CSMD1: variants seen among roughly 807,000 people sequenced by gnomAD.
The protein encoded by CSMD1 is CUB and Sushi multiple domains 1, also known as CUB and sushi domain-containing protein 1.
In CSMD1, 213 loss-of-function variants were observed where a neutral mutation model predicts 417.5. The ratio of observed to expected loss-of-function variants is 0.51; its 90% CI spans 0.46 to 0.57. CSMD1 has a LOEUF of 0.57. CSMD1 is among the 20% of genes least tolerant of loss of function. The probability of loss-of-function intolerance (pLI) is 0.00; values close to 1 mark genes in which losing one functional copy is unlikely to be tolerated. For synonymous variants in CSMD1, 2,862 were observed against 1,736.8 expected, an observed-to-expected ratio of 1.65 and a Z score of -16.11; for missense variants, 6,923 against 4,529.7, an observed-to-expected ratio of 1.53 and a Z score of -15.17.
At chr8:4,867,003 ACTC>A (rs1802457014) in intron 1 of CSMD1, among the ~76,000 whole-genome samples, 1 of 151,936 alleles carries the variant, frequency 6.6e-6, no homozygotes, top group Non-Finnish European at 1.5e-5. Flanking sequence ...GCATATTACT[ACTC>A]AATTCTCGGC....
chr8:3,516,988 G>A (rs1347007666), intron 10 of CSMD1, among the ~76,000 whole-genome samples: 3 of 152,172 alleles, frequency 2.0e-5, no homozygotes, highest in African/African-American at 7.2e-5. Context: ...TGAAAACACA[G>A]AAAACAGGGC....
intron 3 of CSMD1, among the ~76,000 whole-genome samples, chr8:4,365,376 CTG>C (rs1802003413): frequency 6.6e-6 from 1 of 152,018 alleles, no homozygotes; most frequent in African/African-American, 2.4e-5. Flanking sequence ...TTTCACATTT[CTG>C]TATTTTAGGT....
chr8:3,777,278 C>T (rs1322172447), intron 5 of CSMD1, among the ~76,000 whole-genome samples: 2 of 151,990 alleles, frequency 1.3e-5, no homozygotes, highest in Admixed American at 1.3e-4. Context: ...CTGCTTGGTG[C>T]ACAGTCCACA....
intron 5 of CSMD1, among the ~76,000 whole-genome samples, chr8:3,974,473 T>C (rs1044864222): frequency 6.6e-6 from 1 of 152,020 alleles, no homozygotes; most frequent in Non-Finnish European, 1.5e-5. Flanking sequence ...CTTATTAAAA[T>C]GTATTAAAAC....
intron 18 of CSMD1, among the ~76,000 whole-genome samples, chr8:3,377,969 G>C (rs142204794): frequency 2.0e-5 from 3 of 152,180 alleles, no homozygotes; most frequent in Non-Finnish European, 4.4e-5. Flanking sequence ...AGAAAAGTCA[G>C]TGCCGTCATG....
chr8:4,286,490 G>A (rs1028855996), intron 3 of CSMD1, among the ~76,000 whole-genome samples: 8 of 152,000 alleles, frequency 5.3e-5, no homozygotes, highest in Non-Finnish European at 8.8e-5. Context: ...TTAATAAGAC[G>A]GTTGTGGCAC....
chr8:3,637,837 T>C (rs961102570), intron 7 of CSMD1, among the ~76,000 whole-genome samples: 2 of 152,172 alleles, frequency 1.3e-5, no homozygotes, highest in African/African-American at 4.8e-5. Context: ...GTATTTCTTG[T>C]GCTGTTCCTA....
chr8:3,743,636 T>C (rs1563332335), intron 6 of CSMD1, among the ~76,000 whole-genome samples: 1 of 152,182 alleles, frequency 6.6e-6, no homozygotes, highest in Admixed American at 6.5e-5. Flanking sequence ...TTCCCCTTTT[T>C]GGTTCCTAAA....
intron 5 of CSMD1, among the ~76,000 whole-genome samples, chr8:3,865,746 G>A (rs1031706261): frequency 6.6e-6 from 1 of 152,124 alleles, no homozygotes; most frequent in African/African-American, 2.4e-5. Flanking sequence ...ACATGCTAAT[G>A]GAGTAATGCT....
intron 3 of CSMD1, among the ~76,000 whole-genome samples, chr8:4,291,685 T>C (rs1797375458): frequency 6.6e-6 from 1 of 152,198 alleles, no homozygotes; most frequent in African/African-American, 2.4e-5. Flanking sequence ...CAAAATTCTT[T>C]ATTCAACGGG....
intron 5 of CSMD1, among the ~76,000 whole-genome samples, chr8:3,948,593 A>T (rs1451136614): frequency 6.6e-6 from 1 of 152,116 alleles, no homozygotes; most frequent in Non-Finnish European, 1.5e-5. Flanking sequence ...ATAAACGATG[A>T]ACGTGTTTTA....
Position 4,517,368 on chromosome 8 carries a change from G to A in CSMD1, c.303-97303C>T, listed in dbSNP as rs1231944692. On this transcript the variant is annotated intron_variant, in intron 2 of 69. Coordinates refer to ENST00000635120, the MANE Select transcript of CSMD1 (RefSeq NM_033225.6). ...CTAATTTGCTGTCAGTGCAGTCATA[G>A]GTTAAACAGCTAATCTCCCAGACCA... is the stretch of plus-strand genomic sequence containing the variant. Among the ~76,000 whole-genome samples, 12 of 152,288 alleles carry A rather than the reference G, an allele frequency of 7.9e-5. No individual in the cohort carries two copies. In the South Asian group the frequency reaches 1.4e-3, roughly 18 times the overall value.
intron 1 of CSMD1, among the ~76,000 whole-genome samples, chr8:4,828,750 T>A (rs1024133696): frequency 1.3e-4 from 20 of 152,158 alleles, no homozygotes; most frequent in African/African-American, 4.6e-4. Flanking sequence ...TGGAGGTACA[T>A]TACCTAGGCT....
chr8:3,108,723 G>T lies in CSMD1; in HGVS notation c.6634C>A (p.Gln2212Lys), dbSNP rs746784325. Reference protein sequence around the residue: ...VWDGPDQNSPQLGVFSGNTAL... With the variant: ...VWDGPDQNSPKLGVFSGNTAL... ...GTGTTGCCACTGAAAACTCCCAGCT[G>T]GGGTGAGTTCTGATCGGGACCGTCC... Residue 2212 changes from glutamine to lysine, a missense_variant, in exon 44 of 70, where the codon CAG (glutamine) becomes AAG (lysine). Gln to Lys is a moderately conservative substitution (Grantham distance 53, BLOSUM62 1). Transcript: ENST00000635120. 2 of 1,613,446 alleles carry T rather than the reference G, an allele frequency of 1.2e-6. No homozygotes were observed. Among genetic ancestry groups the T allele is most frequent in the Non-Finnish European group, 1.7e-6 (2 of 1,179,638 alleles).
intron 3 of CSMD1, among the ~76,000 whole-genome samples, chr8:4,294,299 T>C (rs908077734): frequency 2.6e-5 from 4 of 152,168 alleles, no homozygotes; most frequent in Non-Finnish European, 4.4e-5. Flanking sequence ...GTGCTTCATA[T>C]CCTTTTAATA....
chr8:2,966,229 A>G (rs1803943095), intron 58 of CSMD1, among the ~76,000 whole-genome samples: 1 of 152,206 alleles, frequency 6.6e-6, no homozygotes. Flanking sequence ...GGCATGGGGT[A>G]TAATCAGAAA....
Position 4,710,673 on chromosome 8 carries a change from G to A in CSMD1, c.86-73115C>T, listed in dbSNP as rs556747797. ...ACCCTGGCTAACAAGGTGAAACCCC[G>A]TCTCTACTAAAAATACAAAAAATTA... On this transcript the variant is annotated intron_variant, in intron 1 of 69. Transcript: ENST00000635120. 4.6e-5 allele frequency among the ~76,000 whole-genome samples: 7 copies of A among 151,130 alleles called. No individual in the cohort carries two copies. In the South Asian group the frequency reaches 6.2e-4, roughly 13 times the overall value.
In CSMD1 at chr8:3,308,312, C is replaced by T. The variant is rs1274443019; in HGVS notation, c.3823G>A (p.Ala1275Thr). ...ATGGTATGACTGCTTCCACACTCAC[C>T]TATGCACGAAGGTAGTGGTTTGTCC... is the stretch of plus-strand genomic sequence containing the variant. ...VWDKPLPSCIAECGGQIHAAT... is the reference protein window; with the variant it reads ...VWDKPLPSCITECGGQIHAAT... The change falls in exon 24 of 70, where the codon GCG becomes ACG. Residue 1275 changes from alanine (A) to threonine (T), a missense_variant and splice_region_variant. Coordinates refer to ENST00000635120, the MANE Select transcript of CSMD1 (RefSeq NM_033225.6). The T allele has an allele frequency of 1.2e-6, 2 of 1,604,104 alleles. No individual in the cohort carries two copies. Among genetic ancestry groups the T allele is most frequent in the Non-Finnish European group, 1.7e-6 (2 of 1,172,498 alleles).
At chr8:3,531,725 C>A (rs899977642) in intron 10 of CSMD1, among the ~76,000 whole-genome samples, 3 of 152,202 alleles carry the variant, frequency 2.0e-5, no homozygotes, top group Non-Finnish European at 2.9e-5. Context: ...CACAAAAAAA[C>A]CCCAAGAAAT....
Sources: gnomAD v4.1 joint callset for allele counts (sites outside exome capture counted in the v4.1 genomes callset) on GRCh38, gnomAD v4.1.1 for gene constraint, MANE v1.5 for transcripts, NCBI Gene and HGNC (gene_info 2026-07-23, HGNC 2026-07-21) for gene names.